Variants in NEK7 observed in about 807,000 individuals in gnomAD.
NEK7 encodes the protein serine/threonine-protein kinase Nek7.
In NEK7, 18 loss-of-function variants were observed where a neutral mutation model predicts 44.6. The observed-to-expected ratio is 0.40, with a 90% CI of 0.28 to 0.60. The LOEUF (loss-of-function observed/expected upper bound fraction) is 0.60, where lower values mean the gene tolerates loss of function less well. NEK7 is among the 20% of genes least tolerant of loss of function. The probability of loss-of-function intolerance (pLI) is 0.38; values close to 1 mark genes in which losing one functional copy is unlikely to be tolerated. For synonymous variants in NEK7, 130 were observed against 121.1 expected, an observed-to-expected ratio of 1.07 and a Z score of -0.48; for missense variants, 256 against 366.5, an observed-to-expected ratio of 0.70 and a Z score of 2.46.
intron 9 of NEK7, among the ~76,000 whole-genome samples, chr1:198,309,398 G>A (rs1362029174): frequency 6.6e-6 from 1 of 152,096 alleles, no homozygotes; most frequent in Non-Finnish European, 1.5e-5. Context: ...GGAGACTGAT[G>A]TCAGTGGCTC....
intron 1 of NEK7, among the ~76,000 whole-genome samples, chr1:198,172,412 C>A (rs936238684): frequency 6.6e-6 from 1 of 152,152 alleles, no homozygotes; most frequent in African/African-American, 2.4e-5. Context: ...GAGCTCTGCT[C>A]TCTTCTTCCG....
At chr1:198,159,823 C>T (rs1247577976) in intron 1 of NEK7, among the ~76,000 whole-genome samples, 1 of 151,998 alleles carries the variant, frequency 6.6e-6, no homozygotes, top group Non-Finnish European at 1.5e-5. Context: ...AGATTTGATG[C>T]CTCTATAGCT....
chr1:198,227,174 C>T (rs573227489), intron 1 of NEK7, among the ~76,000 whole-genome samples: 134 of 152,110 alleles, frequency 8.8e-4, no homozygotes, highest in Non-Finnish European at 1.6e-3. Flanking sequence ...CAGCTTCATC[C>T]GTGTCCCTAC....
chr1:198,247,982 T>A (rs929778023), intron 2 of NEK7, among the ~76,000 whole-genome samples: 2 of 152,192 alleles, frequency 1.3e-5, no homozygotes, highest in Non-Finnish European at 2.9e-5. Flanking sequence ...GTGCCATCTT[T>A]GCATTAATAG....
At chr1:198,223,970 A>C (rs1012726262) in intron 1 of NEK7, among the ~76,000 whole-genome samples, 19 of 152,226 alleles carry the variant, frequency 1.2e-4, no homozygotes, top group African/African-American at 4.6e-4. Flanking sequence ...TTTTAAGAGT[A>C]TGAAGGCTCA....
intron 2 of NEK7, among the ~76,000 whole-genome samples, chr1:198,242,564 C>T (rs759972236): frequency 2.0e-5 from 3 of 150,564 alleles, no homozygotes; most frequent in Non-Finnish European, 4.4e-5. Flanking sequence ...CGGGTTCAGG[C>T]CATTCTCCTG....
intron 1 of NEK7, among the ~76,000 whole-genome samples, chr1:198,161,568 G>A (rs1664107689): frequency 1.3e-5 from 2 of 152,150 alleles, no homozygotes; most frequent in South Asian, 4.1e-4. Flanking sequence ...AGACTCTTGT[G>A]ACAATTTGTT....
chr1:198,311,964 G>C (rs1288357255), intron 9 of NEK7, among the ~76,000 whole-genome samples: 1 of 152,306 alleles, frequency 6.6e-6, no homozygotes, highest in Middle Eastern at 3.4e-3. Flanking sequence ...AAATGAGTTA[G>C]GGAGGATTCT....
intron 1 of NEK7, among the ~76,000 whole-genome samples, chr1:198,212,495 G>A (rs906230160): frequency 6.6e-6 from 1 of 152,156 alleles, no homozygotes; most frequent in Non-Finnish European, 1.5e-5. Context: ...GTGCAGTAGA[G>A]GCAGCTGCAC....
In NEK7 at chr1:198,320,387, T is replaced by A. The variant is rs1435241140; in HGVS notation, c.*865T>A. Reference sequence around the variant, plus strand: ...CAATTTCTTTATAAATTTAAGTGCATTTTAACTCATAATTGTACACTATAA... The same window carrying A: ...CAATTTCTTTATAAATTTAAGTGCAATTTAACTCATAATTGTACACTATAA... On this transcript the variant is annotated 3_prime_UTR_variant, in exon 10 of 10. Transcript: ENST00000367385. The A allele has an allele frequency of 6.6e-6, 1 of 152,142 alleles. No homozygotes were observed. Among genetic ancestry groups the A allele is most frequent in the Non-Finnish European group, 1.5e-5 (1 of 68,012 alleles). The allele number at this position is 152,142 out of a possible 1,614,324, so 9.4% of individuals were successfully genotyped here. A position where few individuals can be genotyped will look rare whatever the true frequency, so the allele number is the denominator to read the frequency against.
At chr1:198,288,585 T>C (rs771208320) in intron 7 of NEK7, among the ~76,000 whole-genome samples, 2 of 152,174 alleles carry the variant, frequency 1.3e-5, no homozygotes, top group Non-Finnish European at 2.9e-5. Flanking sequence ...AGCTTACCAG[T>C]TTTATGATCT....
At chr1:198,272,192 T>A (rs1653874651) in intron 5 of NEK7, among the ~76,000 whole-genome samples, 1 of 151,742 alleles carries the variant, frequency 6.6e-6, no homozygotes, top group Non-Finnish European at 1.5e-5. Context: ...GACCATTATT[T>A]AATTCTGTGA....
At chr1:198,293,110 T>C in intron 8 of NEK7, 71 bp downstream of exon 8, 1 of 756,806 alleles carries the variant, frequency 1.3e-6, no homozygotes, top group Non-Finnish European at 2.2e-6. Flanking sequence ...CCTTATAGTA[T>C]ATACTTACTT....
intron 1 of NEK7, among the ~76,000 whole-genome samples, chr1:198,163,275 T>C (rs1204380791): frequency 6.6e-6 from 1 of 152,102 alleles, no homozygotes. Context: ...GGAAGATTGC[T>C]TGAGACCTGG....
intron 3 of NEK7, among the ~76,000 whole-genome samples, chr1:198,254,235 A>C (rs921012292): frequency 6.6e-6 from 1 of 152,162 alleles, no homozygotes; most frequent in African/African-American, 2.4e-5. Flanking sequence ...CATATCCACA[A>C]GGCAGCTTAA....
chr1:198,292,868 T>C (rs1401602956), intron 7 of NEK7, 77 bp from the exon 8 acceptor site: 1 of 811,256 alleles, frequency 1.2e-6, no homozygotes, highest in Non-Finnish European at 2.1e-6. Context: ...AATTCAAAAT[T>C]TTGTATGTAG....
chr1:198,271,677 T>C lies in NEK7; in HGVS notation c.373-6284T>C, dbSNP rs780266438. Reference sequence around the variant, plus strand: ...ATTGTTTACCAGGATACCCACACTTTCCATTTCAGCATCTGGACAAAGTGT... The same window carrying C: ...ATTGTTTACCAGGATACCCACACTTCCCATTTCAGCATCTGGACAAAGTGT... On this transcript the variant is annotated intron_variant, in intron 5 of 9. Transcript: ENST00000367385. Among the ~76,000 whole-genome samples the C allele has an allele frequency of 8.6e-4, 130 of 151,770 alleles. 1 individual carries two copies. Among genetic ancestry groups the C allele is most frequent in the Non-Finnish European group, 2.4e-4 (16 of 67,894 alleles).
intron 1 of NEK7, among the ~76,000 whole-genome samples, chr1:198,174,195 T>C (rs2102727439): frequency 6.6e-6 from 1 of 152,346 alleles, no homozygotes; most frequent in Middle Eastern, 3.4e-3. Flanking sequence ...GAGGTAAATT[T>C]TAAAATGTAA....
At chr1:198,166,528 C>G (rs1236036444) in intron 1 of NEK7, among the ~76,000 whole-genome samples, 1 of 152,096 alleles carries the variant, frequency 6.6e-6, no homozygotes, top group Non-Finnish European at 1.5e-5. Context: ...TTCTTTCACT[C>G]GAACACTTGA....
Sources: gnomAD v4.1 joint callset for allele counts (sites outside exome capture counted in the v4.1 genomes callset) on GRCh38, gnomAD v4.1.1 for gene constraint, MANE v1.5 for transcripts, NCBI Gene and HGNC (gene_info 2026-07-23, HGNC 2026-07-21) for gene names.